The following ARMC3 variants were observed in gnomAD, a reference collection of about 807,000 sequenced individuals.
ARMC3 encodes the protein armadillo repeat containing 3, also known as armadillo repeat-containing protein 3.
In ARMC3, 74 loss-of-function variants were observed where a neutral mutation model predicts 90.3. The observed-to-expected ratio is 0.82, with a 90% CI of 0.68 to 0.99. The LOEUF (loss-of-function observed/expected upper bound fraction) is 0.99. ARMC3 is among the 50% of genes least tolerant of loss of function. The pLI is 0.00. For missense variants in ARMC3, 958 were observed against 1,042.8 expected (o/e 0.92, Z 1.12); for synonymous variants, 334 against 361.8 (o/e 0.92, Z 0.87).
At chr10:22,992,783 G>T (rs1157115646) in intron 10 of ARMC3, among the ~76,000 whole-genome samples, 2 of 151,404 alleles carry the variant, frequency 1.3e-5, no homozygotes, top group Non-Finnish European at 2.9e-5. Flanking sequence ...GCTGGAACAA[G>T]AGTCAGGAAT....
chr10:23,024,082 A>G (rs1420941519), intron 16 of ARMC3, among the ~76,000 whole-genome samples: 1 of 152,204 alleles, frequency 6.6e-6, no homozygotes, highest in Non-Finnish European at 1.5e-5. Flanking sequence ...CGAGCAGCCA[A>G]AGAAAAACTA....
intron 10 of ARMC3, among the ~76,000 whole-genome samples, chr10:22,986,108 A>ACCCCCCC (rs1836414109): frequency 9.0e-6 from 1 of 110,836 alleles, no homozygotes. Context: ...CCTGCACTGC[A>ACCCCCCC]CGCCCCCCCC....
chr10:22,953,463 T>G (rs1389229918), intron 3 of ARMC3, among the ~76,000 whole-genome samples: 2 of 152,200 alleles, frequency 1.3e-5, no homozygotes, highest in Non-Finnish European at 2.9e-5. Context: ...ACAACCTTTT[T>G]GGCAAAATCT....
intron 2 of ARMC3, among the ~76,000 whole-genome samples, chr10:22,941,081 A>AGGCG (rs1834309089): frequency 1.3e-5 from 2 of 152,178 alleles, no homozygotes; most frequent in Admixed American, 6.5e-5. Flanking sequence ...CACATGAAAG[A>AGGCG]AGCGTACACA....
At chr10:23,010,840 C>T (rs1387431552) in intron 16 of ARMC3, among the ~76,000 whole-genome samples, 1 of 121,152 alleles carries the variant, frequency 8.3e-6, no homozygotes, top group African/African-American at 3.1e-5. Context: ...CTCTCCTTCC[C>T]TTGCCTCTCC....
At chr10:22,970,984 T>G (rs1205920854) in intron 8 of ARMC3, among the ~76,000 whole-genome samples, 3 of 152,204 alleles carry the variant, frequency 2.0e-5, no homozygotes, top group Non-Finnish European at 4.4e-5. Flanking sequence ...TGTGGTGCTG[T>G]CCATCCACAG....
At position 22,959,456 on chromosome 10, in the gene ARMC3, AC is replaced by A. The variant is rs765515562; in HGVS notation, c.420del (p.Tyr140Ter). 1 of 1,613,890 alleles carries A rather than the reference AC, an allele frequency of 6.2e-7. No individual in the cohort carries two copies. Among genetic ancestry groups the A allele is most frequent in the South Asian group, 1.1e-5 (1 of 91,016 alleles). On this transcript the variant is annotated frameshift_variant, in exon 6 of 19. Transcript: ENST00000298032. LOFTEE classifies it high-confidence loss of function. ...SLCLANMSAE[Y>X]TSKVQIFEHG... ...TGTCTAGCAAACATGTCTGCAGAGTACACCAGTAAAGTGCAAATATTTGAAC... is the reference window on the plus strand; with the variant it reads ...TGTCTAGCAAACATGTCTGCAGAGTAACCAGTAAAGTGCAAATATTTGAAC...
intron 10 of ARMC3, among the ~76,000 whole-genome samples, 181 bp downstream of exon 10, chr10:22,981,881 T>G (rs1303972869): frequency 6.6e-6 from 1 of 152,164 alleles, no homozygotes; most frequent in Non-Finnish European, 1.5e-5. Flanking sequence ...TTTCCAAAAA[T>G]ATTACAAAAT....
chr10:22,951,163 T>A (rs1834726584), intron 3 of ARMC3, among the ~76,000 whole-genome samples: 1 of 152,180 alleles, frequency 6.6e-6, no homozygotes, highest in African/African-American at 2.4e-5. Context: ...GGTCTCAATC[T>A]CCTGACCTCG....
chr10:22,954,947 C>T (rs1448294289), intron 3 of ARMC3, among the ~76,000 whole-genome samples: 1 of 152,104 alleles, frequency 6.6e-6, no homozygotes, highest in Non-Finnish European at 1.5e-5. Context: ...ATTCAGTCTG[C>T]GTCCTAAGGC....
intron 3 of ARMC3, among the ~76,000 whole-genome samples, chr10:22,947,301 G>A (rs947065752): frequency 2.2e-4 from 32 of 147,794 alleles, no homozygotes; most frequent in African/African-American, 8.0e-4. Flanking sequence ...GAGAGACCCT[G>A]TCTCAAAAAA....
chr10:23,019,172 A>C (rs1838407252), intron 16 of ARMC3, among the ~76,000 whole-genome samples: 1 of 152,228 alleles, frequency 6.6e-6, no homozygotes, highest in Non-Finnish European at 1.5e-5. Context: ...GCTACTGAAA[A>C]TGTTCAAGTT....
intron 3 of ARMC3, among the ~76,000 whole-genome samples, chr10:22,953,397 A>T (rs1214459319): frequency 6.6e-6 from 1 of 152,174 alleles, no homozygotes; most frequent in East Asian, 1.9e-4. Context: ...TAAGAAAAAA[A>T]TATATTTTTT....
In ARMC3 at chr10:23,016,368, G is replaced by A. The variant is rs539890668; in HGVS notation, c.2045+7437G>A. Among the ~76,000 whole-genome samples the A allele has an allele frequency of 3.5e-4, 54 of 152,276 alleles. 1 individual carries two copies. Among genetic ancestry groups the A allele is most frequent in the Admixed American group, 1.0e-3 (16 of 15,294 alleles). ...TTAAACTTTGAAAATGTCAATAAGC[G>A]ATTTAGAGCCAGCCAAATATTCTAT... On this transcript the variant is annotated intron_variant, in intron 16 of 18. Transcript: ENST00000298032.
chr10:23,030,510 G>A, intron 16 of ARMC3, 86 bp from the exon 17 acceptor site: 2 of 1,511,802 alleles, frequency 1.3e-6, no homozygotes, highest in East Asian at 4.9e-5. Flanking sequence ...CCTTTTTTCT[G>A]TGATGCTCTT....
intron 16 of ARMC3, among the ~76,000 whole-genome samples, chr10:23,027,920 C>T (rs1470748829): frequency 1.1e-4 from 16 of 152,028 alleles, no homozygotes; most frequent in East Asian, 1.9e-4. Context: ...GCAGGAGTTT[C>T]GCTTGAGCTC....
intron 10 of ARMC3, among the ~76,000 whole-genome samples, chr10:22,993,287 A>G (rs1417403031): frequency 6.6e-6 from 1 of 152,254 alleles, no homozygotes; most frequent in Non-Finnish European, 1.5e-5. Context: ...CTGCAAAGAC[A>G]AAATAGAGAC....
intron 10 of ARMC3, among the ~76,000 whole-genome samples, chr10:22,992,874 C>G (rs1836770218): frequency 6.6e-6 from 1 of 152,230 alleles, no homozygotes; most frequent in Non-Finnish European, 1.5e-5. Flanking sequence ...CCTGTTCAGA[C>G]TTCCTGCAGC....
intron 16 of ARMC3, among the ~76,000 whole-genome samples, chr10:23,012,892 T>G (rs11013239): frequency 6.9e-6 from 1 of 144,642 alleles, no homozygotes; most frequent in East Asian, 2.0e-4. Flanking sequence ...CCCCCACCTT[T>G]TTTTTTTTTT....
Sources: allele counts gnomAD v4.1 joint callset (sites outside exome capture counted in the v4.1 genomes callset), GRCh38; gene constraint gnomAD v4.1.1; transcripts MANE v1.5; gene names NCBI Gene and HGNC (gene_info 2026-07-23, HGNC 2026-07-21).